Variants in PRPF39 observed in about 807,000 individuals in gnomAD.
The protein encoded by PRPF39 is pre-mRNA-processing factor 39.
In PRPF39, 27 loss-of-function variants were observed where a neutral mutation model predicts 82.1. The observed-to-expected ratio is 0.33, with a 90% CI of 0.24 to 0.45. PRPF39 has a LOEUF of 0.45. PRPF39 is among the 20% of genes least tolerant of loss of function. PRPF39 has a pLI of 1.00. For synonymous variants in PRPF39, 261 were observed against 256.4 expected (o/e 1.02, Z -0.17); for missense variants, 581 against 796.9 (o/e 0.73, Z 3.26).
At chr14:45,096,041 A>C in intron 2 of PRPF39, 62 bp from the exon 3 acceptor site, 3 of 1,391,062 alleles carry the variant, frequency 2.2e-6, no homozygotes, top group Middle Eastern at 1.8e-4. Context: ...TTTGAAAGGA[A>C]TAATAAATAT....
At chr14:45,096,437 C>G in intron 3 of PRPF39, 1 of 1,486,468 alleles carries the variant, frequency 6.7e-7, no homozygotes, top group Non-Finnish European at 9.0e-7. Context: ...CGTTAAACCT[C>G]TACAGTTTGT....
Position 45,097,025 on chromosome 14 carries a change from T to C in PRPF39, c.569+20T>C. 2 of 1,506,334 alleles carry C rather than the reference T, an allele frequency of 1.3e-6. No homozygotes were observed. The highest frequency in any genetic ancestry group is 1.8e-6 in the Non-Finnish European group (2 of 1,133,620). The allele number at this position is 1,506,334 out of a possible 1,614,324, so 93.3% of individuals were successfully genotyped here. ...AAGAGGGTATGTGGAACATTGATAC[T>C]GAAATGTTTTTTATGATATAAATAA... On this transcript the variant is annotated intron_variant, in intron 4 of 13. Coordinates refer to ENST00000355765, the MANE Select transcript of PRPF39 (RefSeq NM_017922.4).
Position 45,096,521 on chromosome 14 carries a change from T to A in PRPF39, c.450+293T>A, listed in dbSNP as rs978862159. On this transcript the variant is annotated intron_variant, in intron 3 of 13. Transcript: ENST00000355765. ...GGGCAGGGCTTTTCTCTCACTTACA[T>A]TTATTTCTCATTTTCCAAACAATAT... is the stretch of plus-strand genomic sequence containing the variant. 3.5e-6 allele frequency: 5 copies of A among 1,434,252 alleles called. No individual in the cohort carries two copies. In the African/African-American group the frequency reaches 7.1e-5, roughly 20 times the overall value. 88.8% of individuals were successfully genotyped at this position (1,434,252 alleles called of 1,614,324 possible).
Position 45,096,012 on chromosome 14 carries a change from A to T in PRPF39, c.325-91A>T, listed in dbSNP as rs1034176186. On this transcript the variant is annotated intron_variant, in intron 2 of 13. Coordinates refer to ENST00000355765, the MANE Select transcript of PRPF39 (RefSeq NM_017922.4). Reference sequence around the variant, plus strand: ...GTTTTTAAGCCTGCCATTTATTATTATTTTTTTAGATAATAACGTTTGAAA... The same window carrying T: ...GTTTTTAAGCCTGCCATTTATTATTTTTTTTTTAGATAATAACGTTTGAAA... The T allele has an allele frequency of 4.2e-6, 5 of 1,185,942 alleles. No individual in the cohort carries two copies. In the African/African-American group the frequency reaches 4.7e-5, roughly 11 times the overall value. 73.5% of individuals were successfully genotyped at this position (1,185,942 alleles called of 1,614,324 possible).
intron 1 of PRPF39, among the ~76,000 whole-genome samples, chr14:45,088,550 T>G (rs115835733): frequency 6.6e-6 from 1 of 152,136 alleles, no homozygotes; most frequent in Non-Finnish European, 1.5e-5. Context: ...AGAGTTTTGG[T>G]GTTAGGATGA....
At position 45,090,265 on chromosome 14, in the gene PRPF39, A is replaced by G. The variant is rs1462725790; in HGVS notation, c.-19-4956A>G. 1.2e-4 allele frequency among the ~76,000 whole-genome samples: 18 copies of G among 152,354 alleles called. No individual in the cohort carries two copies. The South Asian group carries it at 3.7e-3, about 32-fold the overall frequency. On this transcript the variant is annotated intron_variant, in intron 1 of 13. Coordinates refer to ENST00000355765, the MANE Select transcript of PRPF39 (RefSeq NM_017922.4). ...TTGCCTTTTCCTAGGGCCTGAAGTG[A>G]TTAAACTTGGAAAAGTTGATGACAT...
chr14:45,095,283 G>C lies in PRPF39; in HGVS notation c.44G>C (p.Gly15Ala). The C allele has an allele frequency of 6.2e-7, 1 of 1,609,584 alleles. No individual in the cohort carries two copies. The highest frequency in any genetic ancestry group is 8.5e-7 in the Non-Finnish European group (1 of 1,176,536). Residue 15 changes from glycine (G) to alanine (A), a missense_variant, in exon 2 of 14, where the codon GGC becomes GCC. By Grantham distance (60) the Gly-to-Ala change is moderately conservative. Transcript: ENST00000355765. ...HMDEYRNSSN[G>A]STGNSSEVVV... Reference sequence around the variant, plus strand: ...GATGAATACAGAAATTCTAGTAATGGCAGCACAGGCAACAGTTCAGAGGTA... The same window carrying C: ...GATGAATACAGAAATTCTAGTAATGCCAGCACAGGCAACAGTTCAGAGGTA...
rs1190899754 is a variant in PRPF39 at position 45,110,130 on chromosome 14, G to A, written c.1213G>A (p.Val405Met). The A allele has an allele frequency of 2.5e-6, 4 of 1,613,378 alleles. No individual in the cohort carries two copies. Among genetic ancestry groups the A allele is most frequent in the East Asian group, 4.5e-5 (2 of 44,888 alleles). Residue 405 changes from valine (V) to methionine (M), a missense_variant, in exon 9 of 14, where the codon GTG (valine) becomes ATG (methionine). By Grantham distance (21) the Val-to-Met change is conservative. Coordinates refer to ENST00000355765, the MANE Select transcript of PRPF39 (RefSeq NM_017922.4). This position sits in a 1 kb window ranked among gnomAD's most constrained non-coding sequence, Gnocchi z 4.0. ...CATGGAAAACCATAGCATTGAAGGA[G>A]TGAGGCATGTCTTCAGCAGAGCTTG... Reference protein sequence around the residue: ...KYMENHSIEGVRHVFSRACTI... With the variant: ...KYMENHSIEGMRHVFSRACTI...
Position 45,102,413 on chromosome 14 carries a change from A to G in PRPF39, c.570-116A>G, listed in dbSNP as rs1048413221. 3.4e-5 allele frequency: 28 copies of G among 826,666 alleles called. No individual in the cohort carries two copies. The South Asian group carries it at 5.9e-4, about 17-fold the overall frequency. 51.2% of individuals were successfully genotyped at this position (826,666 alleles called of 1,614,324 possible). On this transcript the variant is annotated intron_variant, in intron 4 of 13. Coordinates refer to ENST00000355765, the MANE Select transcript of PRPF39 (RefSeq NM_017922.4). ...TGTCTACCCTTTAATCCCTACTTGC[A>G]TAGGAAGCAGTTGAATATAATTTTT...
intron 4 of PRPF39, among the ~76,000 whole-genome samples, chr14:45,101,826 A>G (rs1884384841): frequency 6.8e-6 from 1 of 146,434 alleles, no homozygotes; most frequent in African/African-American, 2.5e-5. Context: ...TTTTTTTTTG[A>G]GACAGAGTCG....
intron 2 of PRPF39, chr14:45,095,783 TGAG>T: frequency 3.1e-6 from 2 of 639,306 alleles, no homozygotes; most frequent in South Asian, 6.0e-5. Context: ...TTGTAATAAT[TGAG>T]GTGTAAATGT....
chr14:45,114,279 C>A lies in PRPF39; in HGVS notation c.1832+22C>A. On this transcript the variant is annotated intron_variant, in intron 12 of 13. Coordinates refer to ENST00000355765, the MANE Select transcript of PRPF39 (RefSeq NM_017922.4). ...ATGGGTATGTCACTTTTTGCTAAGT[C>A]AAGAAGGCGTGCTTCATTATGGAAA... The A allele has an allele frequency of 2.0e-6, 3 of 1,536,608 alleles. No homozygotes were observed. In the South Asian group the frequency reaches 3.5e-5, roughly 18 times the overall value.
chr14:45,108,607 G>T, intron 7 of PRPF39, 85 bp downstream of exon 7: 1 of 1,448,684 alleles, frequency 6.9e-7, no homozygotes, highest in Non-Finnish European at 9.1e-7. Context: ...TACTATCTCT[G>T]TTGTAACTTT....
intron 11 of PRPF39, 47 bp from the exon 12 acceptor site, chr14:45,114,136 G>GTTGT: frequency 7.4e-7 from 1 of 1,356,130 alleles, no homozygotes; most frequent in Non-Finnish European, 1.0e-6. Context: ...ATTTAATAAA[G>GTTGT]TTTGTTTTTT....
In PRPF39 at chr14:45,110,612, T is replaced by C; in HGVS notation, c.1367T>C (p.Met456Thr). ...GAAGAATGTGTTCTAGGATTGGCAA[T>C]GGTTCGTTTACGAAGAGTAAGTTTA... ...TFEECVLGLA[M>T]VRLRRVSLER... The change falls in exon 10 of 14, where the codon ATG becomes ACG. Residue 456 changes from methionine (M) to threonine (T), a missense_variant. Transcript: ENST00000355765. This position sits in a 1 kb window ranked among gnomAD's most constrained non-coding sequence, Gnocchi z 4.0. 6.4e-7 allele frequency: 1 copy of C among 1,572,388 alleles called. No individual in the cohort carries two copies. The highest frequency in any genetic ancestry group is 8.6e-7 in the Non-Finnish European group (1 of 1,157,314).
At chr14:45,093,846 C>A (rs138353742) in intron 1 of PRPF39, among the ~76,000 whole-genome samples, 4 of 152,170 alleles carry the variant, frequency 2.6e-5, no homozygotes, top group South Asian at 4.1e-4. Context: ...TGAGCCACCA[C>A]GCCCGGCCAA....
chr14:45,114,416 T>C (rs12886572), intron 12 of PRPF39, 78 bp from the exon 13 acceptor site: 3 of 1,432,266 alleles, frequency 2.1e-6, no homozygotes, highest in East Asian at 2.3e-5. Context: ...AAAACAAATA[T>C]ACAGATAACA....
intron 5 of PRPF39, among the ~76,000 whole-genome samples, chr14:45,106,932 C>T (rs751870121): frequency 2.7e-4 from 41 of 152,116 alleles, no homozygotes; most frequent in Non-Finnish European, 4.0e-4. Context: ...TGGATTTTTG[C>T]GTACTCACAT....
At chr14:45,085,035 A>T (rs1333447424) in intron 1 of PRPF39, among the ~76,000 whole-genome samples, 3 of 152,144 alleles carry the variant, frequency 2.0e-5, no homozygotes, top group Non-Finnish European at 2.9e-5. Flanking sequence ...TTAGCAACTG[A>T]TTTAATCTGT....
Sources: allele counts gnomAD v4.1 joint callset (sites outside exome capture counted in the v4.1 genomes callset), GRCh38; gene constraint gnomAD v4.1.1; non-coding constraint Gnocchi (gnomAD v3.1); transcripts MANE v1.5; gene names NCBI Gene and HGNC (gene_info 2026-07-23, HGNC 2026-07-21).